C11orf65: variants seen among roughly 807,000 people sequenced by gnomAD.
C11orf65 encodes protein MFI.
Under a neutral mutation model 35.3 loss-of-function variants are expected in C11orf65, and 38 were observed. The ratio of observed to expected loss-of-function variants is 1.08; its 90% CI spans 0.83 to 1.41. C11orf65 has a LOEUF of 1.41. C11orf65 is among the 40% of genes most tolerant of loss of function. C11orf65 has a pLI of 0.00. For missense variants in C11orf65, 370 were observed against 367.1 expected, an observed-to-expected ratio of 1.01 and a Z score of -0.06; for synonymous variants, 105 against 114.4, an observed-to-expected ratio of 0.92 and a Z score of 0.53.
At chr11:108,379,315 A>G (rs1049085394), downstream of C11orf65, among the ~76,000 whole-genome samples, 38 of 152,192 alleles carry the variant, frequency 2.5e-4, no homozygotes, top group Admixed American at 1.7e-3. Context: ...TGATGGGTTC[A>G]TGTCCTTTGT....
chr11:108,365,153 G>A lies in C11orf65; in HGVS notation c.226+28055C>T, dbSNP rs527248759. 3.8e-5 allele frequency: 61 copies of A among 1,614,044 alleles called. No homozygotes were observed. Among genetic ancestry groups the A allele is most frequent in the Non-Finnish European group, 4.5e-5 (53 of 1,180,032 alleles). On this transcript the variant is annotated intron_variant, in intron 2 of 3. Transcript: ENST00000524755. ...AAGCTTTGTATTTACAGCAGAGGCC[G>A]GAAGATGAAACTGAGCTTCACCCTA...
chr11:108,414,304 T>TC (rs2092700681), intron 3 of C11orf65, among the ~76,000 whole-genome samples: 1 of 150,930 alleles, frequency 6.6e-6, no homozygotes, highest in African/African-American at 2.4e-5. Flanking sequence ...TCCACACACA[T>TC]CCCCTTTTTT....
At chr11:108,370,119 G>C (rs1166001215) in intron 2 of C11orf65, among the ~76,000 whole-genome samples, 1 of 152,052 alleles carries the variant, frequency 6.6e-6, no homozygotes, top group Non-Finnish European at 1.5e-5. Flanking sequence ...ATGTCACTCA[G>C]TTAAGTTTTA....
At chr11:108,344,523 G>T (rs1565560867) in intron 2 of C11orf65, among the ~76,000 whole-genome samples, 1 of 152,154 alleles carries the variant, frequency 6.6e-6, no homozygotes, top group Non-Finnish European at 1.5e-5. Context: ...GACCCTAAAG[G>T]ATAGTAATAT....
intron 7 of C11orf65, among the ~76,000 whole-genome samples, chr11:108,391,433 G>A (rs1436383930): frequency 1.3e-5 from 2 of 152,130 alleles, no homozygotes; most frequent in South Asian, 2.1e-4. Context: ...AGGCTGGAGT[G>A]CAATGGCACG....
chr11:108,336,126 A>C, intron 2 of C11orf65: 1 of 567,602 alleles, frequency 1.8e-6, no homozygotes, highest in South Asian at 2.1e-5. Context: ...GTGAGACCCC[A>C]TCTTGACAAA....
intron 3 of C11orf65, among the ~76,000 whole-genome samples, chr11:108,418,328 T>C (rs1460869744): frequency 2.0e-5 from 3 of 151,980 alleles, no homozygotes; most frequent in African/African-American, 4.8e-5. Flanking sequence ...CAGATAAAAA[T>C]TTATAAAAAA....
chr11:108,314,981 A>G (rs919258209), intron 6 of C11orf65, among the ~76,000 whole-genome samples: 3 of 152,226 alleles, frequency 2.0e-5, no homozygotes, highest in Non-Finnish European at 4.4e-5. Flanking sequence ...TGTATCAAAC[A>G]ATTCACCTTT....
chr11:108,310,296 A>G lies in C11orf65; in HGVS notation c.641-1225T>C, dbSNP rs1060501541. 1 of 1,613,410 alleles carries G rather than the reference A, an allele frequency of 6.2e-7. No individual in the cohort carries two copies. Among genetic ancestry groups the G allele is most frequent in the Non-Finnish European group, 8.5e-7 (1 of 1,179,598 alleles). ...AGAAATCTATGCAGATAAGAAAAGT[A>G]TGGATGATCAAGAGAAAAGGTAATG... On this transcript the variant is annotated intron_variant, in intron 6 of 6. Transcript: ENST00000525729.
intron 2 of C11orf65, among the ~76,000 whole-genome samples, chr11:108,358,138 T>G (rs944045195): frequency 4.0e-5 from 6 of 150,170 alleles, no homozygotes; most frequent in Middle Eastern, 3.2e-3. Context: ...TCGAGAACTA[T>G]GTGAAGAATG....
chr11:108,357,017 A>T (rs1042129082), intron 2 of C11orf65, among the ~76,000 whole-genome samples: 3 of 152,206 alleles, frequency 2.0e-5, no homozygotes, highest in African/African-American at 7.2e-5. Context: ...TGATTTCTGC[A>T]TTTCCATCTG....
chr11:108,345,261 TGGAA>T (rs2088178650), intron 2 of C11orf65, among the ~76,000 whole-genome samples: 2 of 152,156 alleles, frequency 1.3e-5, no homozygotes, highest in Non-Finnish European at 2.9e-5. Context: ...AGCACATAGA[TGGAA>T]GGGAGTTGAA....
At chr11:108,344,944 A>G (rs1292999281) in intron 2 of C11orf65, among the ~76,000 whole-genome samples, 4 of 152,024 alleles carry the variant, frequency 2.6e-5, no homozygotes, top group African/African-American at 7.2e-5. Context: ...CCAAAATTGC[A>G]GTGAGCTGTG....
chr11:108,335,764 C>A, intron 2 of C11orf65: 1 of 1,081,590 alleles, frequency 9.2e-7, no homozygotes, highest in Non-Finnish European at 1.4e-6. Context: ...GGTTTGAGTG[C>A]CCTTTGCTAT....
At chr11:108,337,570 C>T (rs1004246074) in intron 2 of C11orf65, among the ~76,000 whole-genome samples, 2 of 152,154 alleles carry the variant, frequency 1.3e-5, no homozygotes, top group African/African-American at 4.8e-5. Flanking sequence ...TAGCAAGATA[C>T]CAGTTATGTT....
At chr11:108,372,587 A>G (rs1329133164) in intron 2 of C11orf65, among the ~76,000 whole-genome samples, 1 of 152,258 alleles carries the variant, frequency 6.6e-6, no homozygotes, top group African/African-American at 2.4e-5. Context: ...GCTGTTTGCC[A>G]GATTTATTTT....
chr11:108,353,234 C>T (rs1299566033), intron 2 of C11orf65, among the ~76,000 whole-genome samples: 2 of 151,988 alleles, frequency 1.3e-5, no homozygotes, highest in Non-Finnish European at 2.9e-5. Context: ...ATGTATCCTT[C>T]ACCTCCCAGG....
At chr11:108,335,352 AGACAT>A in intron 2 of C11orf65, 1 of 1,236,794 alleles carries the variant, frequency 8.1e-7, no homozygotes, top group East Asian at 3.0e-5. Flanking sequence ...TAACATGTAC[AGACAT>A]GTACAGTGAG....
chr11:108,357,598 G>A (rs1304986577), intron 2 of C11orf65, among the ~76,000 whole-genome samples: 1 of 152,178 alleles, frequency 6.6e-6, no homozygotes, highest in East Asian at 1.9e-4. Flanking sequence ...CTGGAGATCG[G>A]ACAACAGGCA....
Sources: allele counts gnomAD v4.1 joint callset (sites outside exome capture counted in the v4.1 genomes callset), GRCh38; gene constraint gnomAD v4.1.1; transcripts MANE v1.5; gene names NCBI Gene and HGNC (gene_info 2026-07-23, HGNC 2026-07-21).